The following ZFP2 variants were observed in gnomAD, a reference collection of about 807,000 sequenced individuals.
The protein encoded by ZFP2 is zinc finger protein ZFP2.
Under a neutral mutation model 36.1 loss-of-function variants are expected in ZFP2, and 33 were observed. The observed-to-expected ratio is 0.92, with a 90% confidence interval of 0.69 to 1.22. The LOEUF (loss-of-function observed/expected upper bound fraction) is 1.22, where lower values mean the gene tolerates loss of function less well. Ranked by LOEUF, ZFP2 falls within the 50% of genes most tolerant of loss-of-function variation. The pLI is 0.00. For synonymous variants in ZFP2, 170 were observed against 178.0 expected (o/e 0.96, Z 0.36); for missense variants, 522 against 551.4 (o/e 0.95, Z 0.53).
At chr5:178,926,137 G>C (rs1345927263) in intron 4 of ZFP2, among the ~76,000 whole-genome samples, 1 of 128,030 alleles carries the variant, frequency 7.8e-6, no homozygotes, top group African/African-American at 2.6e-5. Flanking sequence ...GCGAGCCACT[G>C]CACTCAGCTT....
At chr5:178,931,143 G>C in intron 4 of ZFP2, 94 bp from the exon 5 acceptor site, 1 of 1,323,356 alleles carries the variant, frequency 7.6e-7, no homozygotes, top group Non-Finnish European at 9.9e-7. Flanking sequence ...TATTTTAGTT[G>C]ATAGCTAGTT....
At chr5:178,915,463 A>G (rs1468250436) in intron 3 of ZFP2, among the ~76,000 whole-genome samples, 6 of 150,008 alleles carry the variant, frequency 4.0e-5, no homozygotes, top group Non-Finnish European at 8.9e-5. Flanking sequence ...ACAGGTGCAC[A>G]CTGCCGTGCC....
chr5:178,915,322 C>CTTT (rs769089977), intron 3 of ZFP2, among the ~76,000 whole-genome samples: 15,777 of 72,592 alleles, frequency 0.22, 1,381 homozygotes, highest in Non-Finnish European at 0.28. Flanking sequence ...GTTTTTCTTT[C>CTTT]TTTTTTTTTT....
chr5:178,924,713 C>T lies in ZFP2; in HGVS notation c.-77-6524C>T, dbSNP rs1333495390. 2.0e-5 allele frequency among the ~76,000 whole-genome samples: 3 copies of T among 147,588 alleles called. No homozygotes were observed. The Admixed American group carries it at 2.0e-4, about 10-fold the overall frequency. On this transcript the variant is annotated intron_variant, in intron 4 of 4. Coordinates refer to ENST00000361362, the MANE Select transcript of ZFP2 (RefSeq NM_030613.4). ...AATTAGCCAGGCATGGTGGTACATG[C>T]CTGTAGTCCCTGTAGTCCCAGCTAC...
rs957421036 is a variant in ZFP2 at position 178,895,957 on chromosome 5, C to G, written c.-467C>G. ...CGGCTGTGTCGGTCGCCGCTGCTCC[C>G]GCTCCTGCTGGGAGAGGGTGAGTGC... On this transcript the variant is annotated 5_prime_UTR_variant, in exon 1 of 5. Coordinates refer to ENST00000361362, the MANE Select transcript of ZFP2 (RefSeq NM_030613.4). 1 of 152,392 alleles carries G rather than the reference C, an allele frequency of 6.6e-6. No individual in the cohort carries two copies. The highest frequency in any genetic ancestry group is 1.5e-5 in the Non-Finnish European group (1 of 68,176). 9.4% of individuals were successfully genotyped at this position (152,392 alleles called of 1,614,324 possible). A position where few individuals can be genotyped will look rare whatever the true frequency, so the allele number is the denominator to read the frequency against.
Position 178,911,576 on chromosome 5 carries a change from A to G in ZFP2, c.-449-1008A>G, listed in dbSNP as rs542203402. 2.0e-5 allele frequency among the ~76,000 whole-genome samples: 3 copies of G among 152,292 alleles called. No individual in the cohort carries two copies. The East Asian group carries it at 5.8e-4, about 29-fold the overall frequency. On this transcript the variant is annotated intron_variant, in intron 1 of 4. Transcript: ENST00000361362. ...GTATATGTGAAATAACTGTTACGTTATTAGTAAGGCTTCCAGTCAACACTA... is the reference window on the plus strand; with the variant it reads ...GTATATGTGAAATAACTGTTACGTTGTTAGTAAGGCTTCCAGTCAACACTA...
rs1243351330 is a variant in ZFP2 at position 178,932,672 on chromosome 5, T to TGA, written c.1359_1360insGA (p.Thr454GlufsTer21). On this transcript the variant is annotated frameshift_variant, in exon 5 of 5. Coordinates refer to ENST00000361362, the MANE Select transcript of ZFP2 (RefSeq NM_030613.4). LOFTEE classifies it high-confidence loss of function. ...AAGCCTTCAGCCGGAGTACAAACCT[T>TGA]ACACGACATCAAAGAACTCATACGT... is the stretch of plus-strand genomic sequence containing the variant. The TGA allele has an allele frequency of 1.9e-6, 3 of 1,606,122 alleles. No individual in the cohort carries two copies. The East Asian group carries it at 6.7e-5, about 36-fold the overall frequency.
chr5:178,898,852 T>C (rs1351992097), intron 1 of ZFP2, among the ~76,000 whole-genome samples: 1 of 152,246 alleles, frequency 6.6e-6, no homozygotes, highest in Non-Finnish European at 1.5e-5. Flanking sequence ...CCTGGCCTGC[T>C]GTGTTCTTGG....
chr5:178,931,764 A>G lies in ZFP2; in HGVS notation c.451A>G (p.Ile151Val), dbSNP rs755435338. 13 of 1,614,162 alleles carry G rather than the reference A, an allele frequency of 8.1e-6. No homozygotes were observed. Among genetic ancestry groups the G allele is most frequent in the Non-Finnish European group, 1.1e-5 (13 of 1,180,024 alleles). ...ATCCTCCCTTACTGTACATCAAAGA[A>G]TTCATACTGGAGAGAAACCCTATAA... ...ERSSLTVHQR[I>V]HTGEKPYKCN... Residue 151 changes from isoleucine to valine, a missense_variant, in exon 5 of 5, where the codon ATT becomes GTT. By Grantham distance (29) the Ile-to-Val change is conservative. Transcript: ENST00000361362.
At chr5:178,896,026 C>G (rs904556966) in intron 1 of ZFP2, 52 bp downstream of exon 1, 1 of 152,328 alleles carries the variant, frequency 6.6e-6, no homozygotes, top group Non-Finnish European at 1.5e-5. Flanking sequence ...GTCTTGTAGG[C>G]CCCCGCAGGA....
At chr5:178,920,275 C>G (rs1021946767) in intron 4 of ZFP2, among the ~76,000 whole-genome samples, 3 of 151,928 alleles carry the variant, frequency 2.0e-5, no homozygotes, top group Admixed American at 6.6e-5. Context: ...CCTTTTTTCA[C>G]CCTTCTGCTG....
At chr5:178,903,672 T>A (rs1758105776) in intron 1 of ZFP2, among the ~76,000 whole-genome samples, 1 of 152,180 alleles carries the variant, frequency 6.6e-6, no homozygotes, top group Non-Finnish European at 1.5e-5. Flanking sequence ...GGCTTTGGGA[T>A]CATGCTATGA....
At chr5:178,930,791 G>T (rs545357324) in intron 4 of ZFP2, among the ~76,000 whole-genome samples, 2 of 152,304 alleles carry the variant, frequency 1.3e-5, no homozygotes, top group South Asian at 4.1e-4. Context: ...GATTAATTTG[G>T]TGTAGGATTC....
intron 4 of ZFP2, among the ~76,000 whole-genome samples, chr5:178,927,921 T>C (rs988633578): frequency 6.6e-6 from 1 of 151,144 alleles, no homozygotes; most frequent in African/African-American, 2.4e-5. Context: ...CATCTGCTTG[T>C]AGGGAAGCCT....
chr5:178,906,848 A>G (rs1415834205), intron 1 of ZFP2, among the ~76,000 whole-genome samples: 1 of 148,998 alleles, frequency 6.7e-6, no homozygotes, highest in East Asian at 2.0e-4. Context: ...GTGCACCACC[A>G]TGCCTGGCTG....
intron 1 of ZFP2, chr5:178,909,666 G>A: frequency 1.4e-6 from 2 of 1,454,206 alleles, no homozygotes; most frequent in Non-Finnish European, 1.8e-6. Flanking sequence ...TGGCTGCAGG[G>A]CAGCGGGCAG....
chr5:178,915,111 G>A (rs766278929), intron 3 of ZFP2, among the ~76,000 whole-genome samples: 8 of 151,966 alleles, frequency 5.3e-5, no homozygotes, highest in Non-Finnish European at 1.2e-4. Flanking sequence ...CATTGTTTTT[G>A]TTTCTGGTTT....
At chr5:178,899,845 T>G (rs1265728337) in intron 1 of ZFP2, among the ~76,000 whole-genome samples, 1 of 152,126 alleles carries the variant, frequency 6.6e-6, no homozygotes, top group Non-Finnish European at 1.5e-5. Flanking sequence ...CGGCATTTTC[T>G]CTTCTCATAA....
At position 178,911,955 on chromosome 5, in the gene ZFP2, G is replaced by T. The variant is rs148984356; in HGVS notation, c.-449-629G>T. Among the ~76,000 whole-genome samples, 1,205 of 152,166 alleles carry T rather than the reference G, an allele frequency of 7.9e-3. 59 individuals are homozygous for T. In the East Asian group the frequency reaches 0.12, roughly 16 times the overall value. ...GTTTGAGACCAGCCTGACCAACATG[G>T]TGAAACTCCATCTCTACTAAAATTA... On this transcript the variant is annotated intron_variant, in intron 1 of 4. Coordinates refer to ENST00000361362, the MANE Select transcript of ZFP2 (RefSeq NM_030613.4).
Sources: allele counts gnomAD v4.1 joint callset (sites outside exome capture counted in the v4.1 genomes callset), GRCh38; gene constraint gnomAD v4.1.1; transcripts MANE v1.5; gene names NCBI Gene and HGNC (gene_info 2026-07-23, HGNC 2026-07-21).